Variants in UBE2D3 observed in about 807,000 individuals in gnomAD.
The protein encoded by UBE2D3 is ubiquitin-conjugating enzyme E2 D3.
UBE2D3 carries 2 observed loss-of-function variants against 22.8 expected under a neutral mutation model. The observed-to-expected ratio is 0.09, with a 90% CI of 0.04 to 0.28. The LOEUF is 0.28. Ranked by LOEUF, UBE2D3 falls within the 10% of genes least tolerant of loss-of-function variation. The pLI is 1.00. For synonymous variants in UBE2D3, 56 were observed against 60.4 expected (o/e 0.93, Z 0.34); for missense variants, 27 against 182.5 (o/e 0.15, Z 4.91).
chr4:102,812,319 A>T (rs1387804835), intron 2 of UBE2D3: 1 of 152,188 alleles, frequency 6.6e-6, no homozygotes, highest in Non-Finnish European at 1.5e-5. Flanking sequence ...TCAGATGATT[A>T]TTTTCATTCA....
At chr4:102,804,309 T>C (rs961650554) in intron 4 of UBE2D3, among the ~76,000 whole-genome samples, 2 of 152,094 alleles carry the variant, frequency 1.3e-5, no homozygotes, top group African/African-American at 4.8e-5. Context: ...ATTACAGGTG[T>C]GCACCAACGT....
In UBE2D3 at chr4:102,827,431, GGGCCGGGGCCTCCCTCAAGCTGC is replaced by G. The variant is rs1560876118; in HGVS notation, c.-156_-134del. ...GCCGTCCACACCCACGCGTACAGAG[GGGCCGGGGCCTCCCTCAAGCTGC>G]GGCCTCGGCCTCCTCCCCGCGCGGC... is the stretch of plus-strand genomic sequence containing the variant. On this transcript the variant is annotated 5_prime_UTR_variant, in exon 1 of 8. Coordinates refer to ENST00000453744, the MANE Select transcript of UBE2D3 (RefSeq NM_181891.3). 1.1e-5 allele frequency: 11 copies of G among 986,106 alleles called. No homozygotes were observed. The South Asian group carries it at 1.9e-4, about 17-fold the overall frequency. The allele number at this position is 986,106 out of a possible 1,614,324, so 61.1% of individuals were successfully genotyped here.
chr4:102,868,772 G>C (rs766435168), exon 1 of UBE2D3: 1 of 1,613,960 alleles, frequency 6.2e-7, no homozygotes, highest in East Asian at 2.2e-5. Context: ...ATCGCACACA[G>C]TATCCTTTCT....
chr4:102,805,568 C>A (rs112623404), intron 4 of UBE2D3, among the ~76,000 whole-genome samples: 13,215 of 150,462 alleles, frequency 0.088, 674 homozygotes, highest in Non-Finnish European at 0.11. Context: ...CTCACTGCAA[C>A]CTCCACCTCC....
At chr4:102,862,539 TTTTTCTTA>T in intron 1 of UBE2D3, among the ~76,000 whole-genome samples, 1 of 148,254 alleles carries the variant, frequency 6.7e-6, no homozygotes, top group Non-Finnish European at 1.5e-5. Flanking sequence ...AATGTCCTAC[TTTTTCTTA>T]GTTTATTCCT....
chr4:102,794,547 A>C lies in UBE2D3; in HGVS notation c.*2868T>G. On this transcript the variant is annotated 3_prime_UTR_variant, in exon 8 of 8. Transcript: ENST00000453744. ...AAAAGTGTAATCAACAATCATTAACAGTTTTGTTATGCCAACACAAAACAT... is the reference window on the plus strand; with the variant it reads ...AAAAGTGTAATCAACAATCATTAACCGTTTTGTTATGCCAACACAAAACAT... 1 of 152,190 alleles carries C rather than the reference A, an allele frequency of 6.6e-6. No homozygotes were observed. Among genetic ancestry groups the C allele is most frequent in the South Asian group, 2.1e-4 (1 of 4,832 alleles). The allele number at this position is 152,190 out of a possible 1,614,324, so 9.4% of individuals were successfully genotyped here. A position where few individuals can be genotyped will look rare whatever the true frequency, so the allele number is the denominator to read the frequency against.
At chr4:102,843,242 CAT>C (rs1731858314) in intron 1 of UBE2D3, 1 of 151,912 alleles carries the variant, frequency 6.6e-6, no homozygotes, top group Non-Finnish European at 1.5e-5. Context: ...AGAATTACAA[CAT>C]AGACCCTTAA....
intron 1 of UBE2D3, among the ~76,000 whole-genome samples, chr4:102,851,979 T>C (rs939447681): frequency 2.6e-5 from 4 of 152,162 alleles, no homozygotes; most frequent in African/African-American, 9.7e-5. Flanking sequence ...AGAACCCCCA[T>C]ATGTTAGCTG....
chr4:102,849,364 CAAAA>C (rs55874314), intron 1 of UBE2D3, among the ~76,000 whole-genome samples: 1 of 63,254 alleles, frequency 1.6e-5, no homozygotes, highest in African/African-American at 5.5e-5. Flanking sequence ...ACCCCTGTCT[CAAAA>C]AAAAAAAAAA....
intron 7 of UBE2D3, among the ~76,000 whole-genome samples, 199 bp from the exon 8 acceptor site, chr4:102,797,659 A>G (rs544946278): frequency 5.9e-5 from 9 of 152,134 alleles, no homozygotes; most frequent in Admixed American, 4.6e-4. Context: ...TGATGCTCTG[A>G]AAGTAGTATT....
At chr4:102,831,023 G>T (rs574430060), upstream of UBE2D3, among the ~76,000 whole-genome samples, 2 of 152,296 alleles carry the variant, frequency 1.3e-5, no homozygotes, top group African/African-American at 2.4e-5. Flanking sequence ...ATAATTAACA[G>T]ATTTTATATA....
intron 1 of UBE2D3, among the ~76,000 whole-genome samples, chr4:102,845,751 T>C (rs1263369321): frequency 2.6e-5 from 4 of 152,188 alleles, no homozygotes; most frequent in Non-Finnish European, 5.9e-5. Flanking sequence ...TTTGACTTAT[T>C]TTGGTAATTG....
chr4:102,817,904 G>A (rs753208318), intron 2 of UBE2D3, among the ~76,000 whole-genome samples: 13 of 152,080 alleles, frequency 8.5e-5, no homozygotes, highest in Non-Finnish European at 1.3e-4. Flanking sequence ...CTAACAAAAT[G>A]TTTTTAGAGC....
At chr4:102,841,028 A>AG (rs1731727963) in intron 1 of UBE2D3, among the ~76,000 whole-genome samples, 1 of 152,086 alleles carries the variant, frequency 6.6e-6, no homozygotes, top group Non-Finnish European at 1.5e-5. Flanking sequence ...AAAAAAAAAA[A>AG]AAAGTATAGC....
intron 1 of UBE2D3, among the ~76,000 whole-genome samples, chr4:102,845,445 G>A (rs762656888): frequency 7.2e-5 from 11 of 152,110 alleles, no homozygotes; most frequent in Non-Finnish European, 1.2e-4. Flanking sequence ...GTGTTCTAAT[G>A]TACAGACAAG....
chr4:102,840,841 T>A (rs1419223352), intron 1 of UBE2D3, among the ~76,000 whole-genome samples: 4 of 152,090 alleles, frequency 2.6e-5, no homozygotes, highest in African/African-American at 9.7e-5. Context: ...TCGATTTTTT[T>A]AAAAGTATAG....
chr4:102,840,634 A>T (rs1731699424), intron 1 of UBE2D3, among the ~76,000 whole-genome samples: 1 of 152,170 alleles, frequency 6.6e-6, no homozygotes, highest in Admixed American at 6.5e-5. Context: ...TGAGATATGG[A>T]ACAAAGGAAT....
chr4:102,840,500 G>T (rs1006690084), intron 1 of UBE2D3, among the ~76,000 whole-genome samples: 1 of 152,184 alleles, frequency 6.6e-6, no homozygotes, highest in African/African-American at 2.4e-5. Context: ...TCTCATTCAT[G>T]TGGAAGCTAA....
At chr4:102,842,882 G>T (rs1731835340) in intron 1 of UBE2D3, among the ~76,000 whole-genome samples, 2 of 112,952 alleles carry the variant, frequency 1.8e-5, no homozygotes, top group Non-Finnish European at 1.8e-5. Context: ...GGCTGAGGTG[G>T]GTGGATCACC....
Sources: gnomAD v4.1 joint callset for allele counts (sites outside exome capture counted in the v4.1 genomes callset) on GRCh38, gnomAD v4.1.1 for gene constraint, MANE v1.5 for transcripts, NCBI Gene and HGNC (gene_info 2026-07-23, HGNC 2026-07-21) for gene names.